The following MBD5 variants were observed in gnomAD, a reference collection of about 807,000 sequenced individuals.
The protein encoded by MBD5 is methyl-CpG-binding domain protein 5.
In MBD5, 13 loss-of-function variants were observed where a neutral mutation model predicts 117.3. The ratio of observed to expected loss-of-function variants is 0.11; its 90% confidence interval spans 0.07 to 0.18. MBD5 has a LOEUF of 0.18. Ranked by LOEUF, MBD5 falls within the 10% of genes least tolerant of loss-of-function variation. MBD5 has a pLI of 1.00. For synonymous variants in MBD5, 727 were observed against 766.4 expected, an observed-to-expected ratio of 0.95 and a Z score of 0.85; for missense variants, 1,879 against 2,093.8, an observed-to-expected ratio of 0.90 and a Z score of 2.00.
intron 4 of MBD5, among the ~76,000 whole-genome samples, chr2:148,443,327 C>T (rs565662310): frequency 1.3e-5 from 2 of 151,320 alleles, no homozygotes; most frequent in African/African-American, 4.9e-5. Context: ...AAAGAGAGAA[C>T]AGTTTGGAGG....
chr2:148,354,949 T>C (rs1055194396), intron 4 of MBD5, among the ~76,000 whole-genome samples: 11 of 152,342 alleles, frequency 7.2e-5, no homozygotes, highest in Non-Finnish European at 1.6e-4. Flanking sequence ...GATGGACTTT[T>C]TCATAATTGC....
intron 4 of MBD5, among the ~76,000 whole-genome samples, chr2:148,350,805 T>A (rs1703231299): frequency 6.6e-6 from 1 of 152,068 alleles, no homozygotes; most frequent in African/African-American, 2.4e-5. Context: ...CTGCTTCAGT[T>A]GATAGTGAGA....
At chr2:148,484,638 G>A (rs1403123937) in intron 9 of MBD5, among the ~76,000 whole-genome samples, 1 of 152,162 alleles carries the variant, frequency 6.6e-6, no homozygotes, top group Admixed American at 6.5e-5. Flanking sequence ...AACACGCAAA[G>A]CTAAAGTTTT....
intron 7 of MBD5, among the ~76,000 whole-genome samples, chr2:148,464,399 A>G (rs1222786284): frequency 6.6e-6 from 1 of 152,122 alleles, no homozygotes; most frequent in Non-Finnish European, 1.5e-5. Context: ...TCTTTTTTAA[A>G]TATTTCAAAG....
At chr2:148,180,358 A>ATATATATATATATG (rs1302286887) in intron 2 of MBD5, among the ~76,000 whole-genome samples, 9 of 118,904 alleles carry the variant, frequency 7.6e-5, no homozygotes, top group Admixed American at 1.7e-4. Flanking sequence ...ATATATATAT[A>ATATATATATATATG]TATGTATATA....
rs1015240879 is a variant in MBD5, at chr2:148,044,875, T to C, written c.-925+23191T>C. The C allele has an allele frequency of 1.1e-4, 17 of 152,134 alleles. 1 individual carries two copies. The highest frequency in any genetic ancestry group is 6.3e-3 in the Middle Eastern group (2 of 316). 9.4% of individuals were successfully genotyped at this position (152,134 alleles called of 1,614,324 possible). A position where few individuals can be genotyped will look rare whatever the true frequency, so the allele number is the denominator to read the frequency against. ...GTTTTGGTAATTACTCTACAAAGAT[T>C]AAAATTTAGTTGGTGATTTCCCTGC... On this transcript the variant is annotated intron_variant, in intron 1 of 13. Coordinates refer to ENST00000642680, the MANE Select transcript of MBD5 (RefSeq NM_001378120.1).
At position 148,444,612 on chromosome 2, in the gene MBD5, A is replaced by C. The variant is rs576181874; in HGVS notation, c.-556-13591A>C. On this transcript the variant is annotated intron_variant, in intron 4 of 13. Transcript: ENST00000642680. The stretch of plus-strand genomic sequence containing the variant: ...ATCTTTCAGAAATGAGATCATTTGC[A>C]AAGATTAGGCGAAGTTTCAGGTCTC... 1.1e-3 allele frequency among the ~76,000 whole-genome samples: 173 copies of C among 151,370 alleles called. 1 individual carries two copies. Among genetic ancestry groups the C allele is most frequent in the East Asian group, 3.3e-3 (17 of 5,184 alleles).
At chr2:148,120,239 T>C (rs1696736792) in intron 1 of MBD5, among the ~76,000 whole-genome samples, 1 of 152,200 alleles carries the variant, frequency 6.6e-6, no homozygotes, top group Non-Finnish European at 1.5e-5. Flanking sequence ...AGTGTGAGTT[T>C]TCTAACTTTG....
At position 148,428,133 on chromosome 2, in the gene MBD5, G is replaced by T. The variant is rs149736795; in HGVS notation, c.-556-30070G>T. Reference sequence around the variant, plus strand: ...CCCAAAATCTCCTTAAGCAGATAAGGAACTTCAGCAAAGTCTCCGGATACA... The same window carrying T: ...CCCAAAATCTCCTTAAGCAGATAAGTAACTTCAGCAAAGTCTCCGGATACA... On this transcript the variant is annotated intron_variant, in intron 4 of 13. Coordinates refer to ENST00000642680, the MANE Select transcript of MBD5 (RefSeq NM_001378120.1). Among the ~76,000 whole-genome samples, 64 of 151,694 alleles carry T rather than the reference G, an allele frequency of 4.2e-4. No homozygotes were observed. In the East Asian group the frequency reaches 0.012, roughly 28 times the overall value.
chr2:148,379,346 A>T (rs1218521422), intron 4 of MBD5, among the ~76,000 whole-genome samples: 1 of 152,152 alleles, frequency 6.6e-6, no homozygotes, highest in Non-Finnish European at 1.5e-5. Context: ...GCTAGAAATC[A>T]GTGGAATAAC....
At chr2:148,356,221 C>A (rs977267969) in intron 4 of MBD5, among the ~76,000 whole-genome samples, 2 of 152,088 alleles carry the variant, frequency 1.3e-5, no homozygotes, top group African/African-American at 4.8e-5. Flanking sequence ...CATAAATTCA[C>A]TGAGATGACA....
At position 148,490,328 on chromosome 2, in the gene MBD5, T is replaced by C. The variant is rs1559099639; in HGVS notation, c.4696T>C (p.Tyr1566His). 2 of 1,614,078 alleles carry C rather than the reference T, an allele frequency of 1.2e-6. No individual in the cohort carries two copies. Among genetic ancestry groups the C allele is most frequent in the Admixed American group, 1.7e-5 (1 of 60,000 alleles). The change falls in exon 11 of 14, where the codon TAC becomes CAC. Residue 1566 changes from tyrosine (Y) to histidine (H), a missense_variant. Tyr to His is a moderately conservative substitution (Grantham distance 83). Coordinates refer to ENST00000642680, the MANE Select transcript of MBD5 (RefSeq NM_001378120.1). Reference protein sequence around the residue: ...NSLENSLVKDYIHYNGDFNAK... With the variant: ...NSLENSLVKDHIHYNGDFNAK... ...TTTGGAAAATTCTCTGGTCAAAGACTACATCCATTACAATGGAGACTTTAA... is the reference window on the plus strand; with the variant it reads ...TTTGGAAAATTCTCTGGTCAAAGACCACATCCATTACAATGGAGACTTTAA...
chr2:148,430,450 A>G (rs923647688), intron 4 of MBD5, among the ~76,000 whole-genome samples: 2 of 152,142 alleles, frequency 1.3e-5, no homozygotes, highest in African/African-American at 2.4e-5. Context: ...TATAATTCCT[A>G]TAAATTTATG....
chr2:148,294,501 G>GTTTTTTTTTTTTGTT (rs1701590385), intron 3 of MBD5, among the ~76,000 whole-genome samples: 11 of 113,216 alleles, frequency 9.7e-5, no homozygotes, highest in Non-Finnish European at 1.6e-4. Flanking sequence ...TGGGATTACA[G>GTTTTTTTTTTTTGTT]TTTTTTTTTT....
intron 1 of MBD5, among the ~76,000 whole-genome samples, chr2:148,161,133 C>A (rs1697998183): frequency 6.6e-6 from 1 of 152,130 alleles, no homozygotes; most frequent in Admixed American, 6.5e-5. Context: ...TTCACTGATA[C>A]ATTTAGCTTT....
At chr2:148,370,540 G>A (rs1311121075) in intron 4 of MBD5, among the ~76,000 whole-genome samples, 1 of 152,136 alleles carries the variant, frequency 6.6e-6, no homozygotes, top group Non-Finnish European at 1.5e-5. Context: ...TCAGGCTGGA[G>A]TGCAGTGATG....
chr2:148,324,042 G>C (rs903602979), intron 3 of MBD5, among the ~76,000 whole-genome samples: 4 of 152,138 alleles, frequency 2.6e-5, no homozygotes, highest in Non-Finnish European at 5.9e-5. Context: ...AAGGGATCCA[G>C]TTACAGCTTT....
chr2:148,325,647 T>C (rs1378420383), intron 3 of MBD5, among the ~76,000 whole-genome samples: 1 of 152,228 alleles, frequency 6.6e-6, no homozygotes, highest in Non-Finnish European at 1.5e-5. Flanking sequence ...TATTCTCTGA[T>C]AGTAGTTTGT....
intron 3 of MBD5, among the ~76,000 whole-genome samples, chr2:148,271,838 A>G (rs1404733638): frequency 6.6e-6 from 1 of 152,188 alleles, no homozygotes; most frequent in Non-Finnish European, 1.5e-5. Context: ...ATAATACAAA[A>G]TACATTTGTA....
Sources: gnomAD v4.1 joint callset for allele counts (sites outside exome capture counted in the v4.1 genomes callset) on GRCh38, gnomAD v4.1.1 for gene constraint, MANE v1.5 for transcripts, NCBI Gene and HGNC (gene_info 2026-07-23, HGNC 2026-07-21) for gene names.